The following CRYBB2 variants were observed in gnomAD, a reference collection of about 807,000 sequenced individuals.
CRYBB2 encodes beta-crystallin B2.
A neutral mutation model predicts 24.3 loss-of-function variants in CRYBB2; 12 were observed. The observed-to-expected ratio is 0.49, with a 90% CI of 0.32 to 0.80. CRYBB2 has a LOEUF of 0.80. Among genes scored for constraint, CRYBB2 ranks in the 30% least tolerant of loss-of-function variants. The probability of loss-of-function intolerance (pLI) is 0.04; values close to 1 mark genes in which losing one functional copy is unlikely to be tolerated. For missense variants in CRYBB2, 198 were observed against 268.5 expected (o/e 0.74, Z 1.83); for synonymous variants, 98 against 101.6 (o/e 0.96, Z 0.21).
chr22:25,224,175 A>C (rs9608379), intron 2 of CRYBB2, among the ~76,000 whole-genome samples: 39,002 of 150,576 alleles, frequency 0.26, 5,273 homozygotes, highest in Middle Eastern at 0.34. Context: ...GGCAGCTAGC[A>C]TCATGGTTAA....
At chr22:25,219,366 G>GTA (rs2046285247), upstream of CRYBB2, among the ~76,000 whole-genome samples, 4 of 152,302 alleles carry the variant, frequency 2.6e-5, no homozygotes, top group African/African-American at 9.6e-5. Flanking sequence ...AGTGAACCCA[G>GTA]CGTACCCCTG....
upstream of CRYBB2, among the ~76,000 whole-genome samples, chr22:25,218,836 A>AAGAAAGAAAGAAAGAAAGAG (rs1569016534): frequency 8.3e-5 from 8 of 96,786 alleles, no homozygotes; most frequent in Non-Finnish European, 1.6e-4. Flanking sequence ...GAAAGAAAGA[A>AAGAAAGAAAGAAAGAAAGAG]AGAGAAAGAA....
chr22:25,214,137 G>A (rs796593083), intron 1 of CRYBB2, among the ~76,000 whole-genome samples: 12 of 152,200 alleles, frequency 7.9e-5, no homozygotes, highest in Admixed American at 2.0e-4. Flanking sequence ...CTTGGAGTTC[G>A]CGACCTACCT....
At chr22:25,225,165 G>T in intron 3 of CRYBB2, 129 bp downstream of exon 3, 1 of 742,418 alleles carries the variant, frequency 1.3e-6, no homozygotes. Context: ...GCAGCCTATG[G>T]AGATAATTCA....
intron 2 of CRYBB2, among the ~76,000 whole-genome samples, chr22:25,224,132 A>AG (rs1935372011): frequency 1.3e-5 from 2 of 150,236 alleles, no homozygotes; most frequent in African/African-American, 4.9e-5. Flanking sequence ...TCAAAAAAAA[A>AG]AAACAAAAAA....
intron 5 of CRYBB2, among the ~76,000 whole-genome samples, chr22:25,230,007 T>C (rs1935502931): frequency 6.6e-6 from 1 of 151,862 alleles, no homozygotes; most frequent in Admixed American, 6.6e-5. Context: ...GGTGTCATTT[T>C]CCACTGAATC....
At chr22:25,217,413 G>A (rs1479829321), upstream of CRYBB2, among the ~76,000 whole-genome samples, 1 of 152,178 alleles carries the variant, frequency 6.6e-6, no homozygotes, top group Non-Finnish European at 1.5e-5. Flanking sequence ...TGCCTCGTGG[G>A]TTCAAGTGAT....
At chr22:25,221,130 A>C (rs1472585839) in intron 1 of CRYBB2, among the ~76,000 whole-genome samples, 2 of 152,162 alleles carry the variant, frequency 1.3e-5, no homozygotes, top group Admixed American at 6.5e-5. Flanking sequence ...TTGGGAACCC[A>C]CTTTGGACCT....
intron 1 of CRYBB2, among the ~76,000 whole-genome samples, chr22:25,220,081 C>T (rs1935293395): frequency 6.6e-6 from 1 of 152,094 alleles, no homozygotes; most frequent in African/African-American, 2.4e-5. Context: ...CCACTCTGTG[C>T]CTAGCCTCTG....
At chr22:25,223,053 T>C (rs1444927284) in intron 2 of CRYBB2, among the ~76,000 whole-genome samples, 1 of 152,162 alleles carries the variant, frequency 6.6e-6, no homozygotes, top group African/African-American at 2.4e-5. Context: ...TGCCCTCTAC[T>C]CTATTGATTA....
intron 4 of CRYBB2, among the ~76,000 whole-genome samples, chr22:25,228,698 A>C (rs1352812585): frequency 3.3e-5 from 5 of 152,244 alleles, no homozygotes; most frequent in African/African-American, 1.2e-4. Context: ...TGTGGCCTTG[A>C]GCACGTCATT....
At chr22:25,217,334 T>C (rs1935186433), upstream of CRYBB2, among the ~76,000 whole-genome samples, 1 of 152,192 alleles carries the variant, frequency 6.6e-6, no homozygotes, top group Admixed American at 6.5e-5. Context: ...TTATTTTCTT[T>C]GAGACAGAGT....
At chr22:25,213,079 CAGTT>C (rs1224138874) in intron 1 of CRYBB2, among the ~76,000 whole-genome samples, 1 of 152,140 alleles carries the variant, frequency 6.6e-6, no homozygotes, top group Admixed American at 6.5e-5. Context: ...TTTTATAATA[CAGTT>C]AGAGTTAGGA....
chr22:25,218,131 C>T (rs376620831), upstream of CRYBB2, among the ~76,000 whole-genome samples: 61 of 150,850 alleles, frequency 4.0e-4, 1 homozygote, highest in South Asian at 1.1e-3. Context: ...TGTTGGCGGG[C>T]GCCTGTAGTC....
intron 2 of CRYBB2, 58 bp downstream of exon 2, chr22:25,221,541 T>C: frequency 7.5e-7 from 1 of 1,338,432 alleles, no homozygotes; most frequent in Non-Finnish European, 1.1e-6. Flanking sequence ...TTAGTTGCCC[T>C]TCTGTAAAAT....
At chr22:25,225,345 C>G (rs570723611) in intron 3 of CRYBB2, among the ~76,000 whole-genome samples, 4 of 152,232 alleles carry the variant, frequency 2.6e-5, no homozygotes, top group Admixed American at 2.0e-4. Context: ...AAGCCTGATA[C>G]AGAGGTCAGC....
chr22:25,221,469 T>A lies in CRYBB2; in HGVS notation c.40T>A (p.Ser14Thr), dbSNP rs117457580. ...CCAGACCCAGGCGGGCAAGCCACAG[T>A]CCCTCAACCCCAAGGTGGGTACCTC... ...DHQTQAGKPQ[S>T]LNPKIIIFEQ... The change falls in exon 2 of 6, where the codon TCC becomes ACC. Residue 14 changes from serine to threonine, a missense_variant. Transcript: ENST00000398215. 3,552 of 1,613,458 alleles carry A rather than the reference T, an allele frequency of 2.2e-3. 128 individuals are homozygous for A. In the East Asian group the frequency reaches 0.07, roughly 32 times the overall value.
chr22:25,218,816 AAG>A (rs1267616464), upstream of CRYBB2, among the ~76,000 whole-genome samples: 6 of 135,854 alleles, frequency 4.4e-5, no homozygotes, highest in African/African-American at 1.2e-4. Flanking sequence ...GAAAGAAAGA[AAG>A]AAAGAAAGAA....
At chr22:25,230,159 T>TGAC (rs1240629160) in intron 5 of CRYBB2, among the ~76,000 whole-genome samples, 7 of 151,696 alleles carry the variant, frequency 4.6e-5, no homozygotes, top group South Asian at 2.1e-4. Context: ...AAGAACTTTT[T>TGAC]TTTTTTTTTT....
Sources: gnomAD v4.1 joint callset for allele counts (sites outside exome capture counted in the v4.1 genomes callset) on GRCh38, gnomAD v4.1.1 for gene constraint, MANE v1.5 for transcripts, NCBI Gene and HGNC (gene_info 2026-07-23, HGNC 2026-07-21) for gene names.